PRXL2A: variants seen among roughly 807,000 people sequenced by gnomAD.
PRXL2A encodes the protein peroxiredoxin like 2A.
A neutral mutation model predicts 25.6 loss-of-function variants in PRXL2A; 26 were observed. The ratio of observed to expected loss-of-function variants is 1.02; its 90% CI spans 0.74 to 1.41. PRXL2A has a LOEUF of 1.41. PRXL2A is among the 40% of genes most tolerant of loss of function. The probability of loss-of-function intolerance (pLI) is 0.00; values close to 1 mark genes in which losing one functional copy is unlikely to be tolerated. For missense variants in PRXL2A, 246 were observed against 273.9 expected (o/e 0.90, Z 0.72); for synonymous variants, 98 against 102.9 (o/e 0.95, Z 0.29).
Position 80,434,435 on chromosome 10 carries a change from C to T in PRXL2A, c.*2336C>T, listed in dbSNP as rs1845348128. 1 of 152,174 alleles carries T rather than the reference C, an allele frequency of 6.6e-6. No individual in the cohort carries two copies. Among genetic ancestry groups the T allele is most frequent in the African/African-American group, 2.4e-5 (1 of 41,440 alleles). 9.4% of individuals were successfully genotyped at this position (152,174 alleles called of 1,614,324 possible). A position where few individuals can be genotyped will look rare whatever the true frequency, so the allele number is the denominator to read the frequency against. On this transcript the variant is annotated 3_prime_UTR_variant, in exon 6 of 6. Coordinates refer to ENST00000606162, the MANE Select transcript of PRXL2A (RefSeq NM_032333.5). ...TGAGGGAATGATAAATATTATGACA[C>T]TGCTTCTCAGACTGTAATGTACATG...
chr10:80,427,741 A>G (rs190471792), intron 5 of PRXL2A, among the ~76,000 whole-genome samples: 11 of 152,300 alleles, frequency 7.2e-5, no homozygotes, highest in African/African-American at 2.4e-4. Flanking sequence ...CAGTTTGATC[A>G]TTTTGCAGAC....
chr10:80,427,856 G>A (rs781434270), intron 5 of PRXL2A, among the ~76,000 whole-genome samples: 2 of 152,276 alleles, frequency 1.3e-5, no homozygotes, highest in South Asian at 2.1e-4. Context: ...AGTTCAAGGA[G>A]CACAGCTCAT....
intron 5 of PRXL2A, among the ~76,000 whole-genome samples, chr10:80,430,793 G>C (rs1244870065): frequency 6.6e-6 from 1 of 152,136 alleles, no homozygotes; most frequent in Non-Finnish European, 1.5e-5. Context: ...GTTTTGCTTT[G>C]CTCTAGAAAA....
chr10:80,429,672 C>T (rs1247930174), intron 5 of PRXL2A, among the ~76,000 whole-genome samples: 1 of 150,938 alleles, frequency 6.6e-6, no homozygotes, highest in Non-Finnish European at 1.5e-5. Context: ...CTGCCCCTAG[C>T]CTCTCCTGCC....
chr10:80,408,492 C>T (rs1589547472), upstream of PRXL2A: 1 of 152,396 alleles, frequency 6.6e-6, no homozygotes, highest in Non-Finnish European at 1.5e-5. Flanking sequence ...GGGCGGGTCA[C>T]ATGGCGGTGG....
intron 4 of PRXL2A, among the ~76,000 whole-genome samples, chr10:80,426,800 G>A (rs2131905755): frequency 6.6e-6 from 1 of 152,326 alleles, no homozygotes; most frequent in Non-Finnish European, 1.5e-5. Context: ...GGCCTACCTT[G>A]AGGTCTGAAA....
intron 1 of PRXL2A, chr10:80,408,895 C>A (rs951831598): frequency 3.5e-6 from 1 of 285,956 alleles, no homozygotes; most frequent in Non-Finnish European, 5.2e-6. Context: ...CGTCGGAGAA[C>A]GGAGACGGGG....
At chr10:80,421,746 C>T (rs529581720) in intron 2 of PRXL2A, among the ~76,000 whole-genome samples, 4 of 152,140 alleles carry the variant, frequency 2.6e-5, no homozygotes, top group Non-Finnish European at 5.9e-5. Context: ...CCCTCACCAA[C>T]TCTATATTAC....
chr10:80,418,322 A>AT (rs1437129368), intron 1 of PRXL2A, among the ~76,000 whole-genome samples: 1 of 152,144 alleles, frequency 6.6e-6, no homozygotes, highest in Non-Finnish European at 1.5e-5. Flanking sequence ...CTCCAGCTCC[A>AT]TGTTGCTGCA....
chr10:80,430,751 C>T (rs1845228086), intron 5 of PRXL2A, among the ~76,000 whole-genome samples: 1 of 152,190 alleles, frequency 6.6e-6, no homozygotes, highest in African/African-American at 2.4e-5. Context: ...GTGGAAAATC[C>T]ACTGGAACAA....
At chr10:80,426,113 T>TC in intron 4 of PRXL2A, 107 bp downstream of exon 4, 1 of 1,400,460 alleles carries the variant, frequency 7.1e-7, no homozygotes, top group Non-Finnish European at 9.9e-7. Context: ...AGGCTGGCCT[T>TC]CCCTTCAGCT....
chr10:80,415,561 A>T (rs1200214512), intron 1 of PRXL2A, among the ~76,000 whole-genome samples: 1 of 152,124 alleles, frequency 6.6e-6, no homozygotes, highest in African/African-American at 2.4e-5. Context: ...ACTGGCTGTT[A>T]TTCCTGCACC....
chr10:80,413,971 C>A, intron 1 of PRXL2A: 1 of 733,132 alleles, frequency 1.4e-6, no homozygotes, highest in East Asian at 1.1e-4. Context: ...GAGACAGGGT[C>A]TCGAAGCTGG....
chr10:80,432,840 C>T lies in PRXL2A; in HGVS notation c.*741C>T, dbSNP rs1367013894. On this transcript the variant is annotated 3_prime_UTR_variant, in exon 6 of 6. Transcript: ENST00000606162. ...TTGGTTATATGATGTCAAAGTAATA[C>T]TTTCATAATAGAATTGACATGCTCT... is the stretch of plus-strand genomic sequence containing the variant. 6.6e-6 allele frequency: 1 copy of T among 152,036 alleles called. No individual in the cohort carries two copies. The highest frequency in any genetic ancestry group is 2.4e-5 in the African/African-American group (1 of 41,370). The allele number at this position is 152,036 out of a possible 1,614,324, so 9.4% of individuals were successfully genotyped here.
chr10:80,413,120 CCTGTCCCCCA>C (rs1465750528), intron 1 of PRXL2A, among the ~76,000 whole-genome samples: 1 of 151,836 alleles, frequency 6.6e-6, no homozygotes, highest in African/African-American at 2.4e-5. Context: ...AATGTGAACC[CCTGTCCCCCA>C]CTGTCCCCCC....
In PRXL2A at chr10:80,433,658, A is replaced by C. The variant is rs1845331748; in HGVS notation, c.*1559A>C. 6.6e-6 allele frequency: 1 copy of C among 152,294 alleles called. No individual in the cohort carries two copies. Among genetic ancestry groups the C allele is most frequent in the Non-Finnish European group, 1.5e-5 (1 of 68,104 alleles). The allele number at this position is 152,294 out of a possible 1,614,324, so 9.4% of individuals were successfully genotyped here. On this transcript the variant is annotated 3_prime_UTR_variant, in exon 6 of 6. Coordinates refer to ENST00000606162, the MANE Select transcript of PRXL2A (RefSeq NM_032333.5). ...TCATGTAGCAGTGGTTGCATGGGGT[A>C]TGCATGGGCCCTTAAAGGGCTGGGC...
At chr10:80,415,983 A>G (rs543006833) in intron 1 of PRXL2A, among the ~76,000 whole-genome samples, 1 of 152,342 alleles carries the variant, frequency 6.6e-6, no homozygotes, top group South Asian at 2.1e-4. Flanking sequence ...TGCCCATCAA[A>G]TCTGTGATCA....
At chr10:80,414,778 G>A (rs1277859954) in intron 1 of PRXL2A, among the ~76,000 whole-genome samples, 1 of 152,202 alleles carries the variant, frequency 6.6e-6, no homozygotes, top group East Asian at 1.9e-4. Flanking sequence ...TCACAAGACT[G>A]TTGAGTGAAT....
At position 80,432,879 on chromosome 10, in the gene PRXL2A, A is replaced by C. The variant is rs1389251107; in HGVS notation, c.*780A>C. The C allele has an allele frequency of 6.6e-6, 1 of 152,190 alleles. No individual in the cohort carries two copies. The highest frequency in any genetic ancestry group is 1.5e-5 in the Non-Finnish European group (1 of 68,034). 9.4% of individuals were successfully genotyped at this position (152,190 alleles called of 1,614,324 possible). On this transcript the variant is annotated 3_prime_UTR_variant, in exon 6 of 6. Transcript: ENST00000606162. ...TTGACATGCTCTGGGATAGTTTGAC[A>C]AAGGTAAATTATAAAGTGAAATCTC... is the stretch of plus-strand genomic sequence containing the variant.
Sources: allele counts gnomAD v4.1 joint callset (sites outside exome capture counted in the v4.1 genomes callset), GRCh38; gene constraint gnomAD v4.1.1; transcripts MANE v1.5; gene names NCBI Gene and HGNC (gene_info 2026-07-23, HGNC 2026-07-21).